The following CLCN5 variants were observed in gnomAD, a reference collection of about 807,000 sequenced individuals.
CLCN5 encodes Cl-/H+ antiporter 5.
CLCN5 carries 17 observed loss-of-function variants against 54.0 expected under a neutral mutation model. The ratio of observed to expected loss-of-function variants is 0.31; its 90% CI spans 0.22 to 0.47. The LOEUF (loss-of-function observed/expected upper bound fraction) is 0.47, where lower values mean the gene tolerates loss of function less well. Ranked by LOEUF, CLCN5 falls within the 20% of genes least tolerant of loss-of-function variation. CLCN5 has a pLI of 1.00. For synonymous variants in CLCN5, 222 were observed against 233.0 expected, an observed-to-expected ratio of 0.95 and a Z score of 0.43; for missense variants, 448 against 646.7, an observed-to-expected ratio of 0.69 and a Z score of 3.33.
intron 3 of CLCN5, among the ~76,000 whole-genome samples, chrX:49,963,587 A>G (rs1231100785): frequency 1.8e-5 from 2 of 112,090 alleles, no homozygotes; most frequent in East Asian, 5.6e-4. Context: ...ACATTTGGAA[A>G]AAGGGAATTT....
chrX:49,993,745 T>G (rs1305420202), intron 3 of CLCN5, among the ~76,000 whole-genome samples: 2 of 111,815 alleles, frequency 1.8e-5, no homozygotes, highest in Admixed American at 9.5e-5. Context: ...GAGCTAGCCT[T>G]TAAAGACAGT....
intron 3 of CLCN5, among the ~76,000 whole-genome samples, chrX:49,988,347 C>T (rs1328610877): frequency 2.7e-5 from 3 of 111,623 alleles, no homozygotes; most frequent in South Asian, 3.8e-4. Flanking sequence ...TCCAATCAAA[C>T]GCAAGAAACT....
intron 3 of CLCN5, among the ~76,000 whole-genome samples, chrX:50,019,468 C>CTTTTTTTTTTT (rs1175073117): frequency 9.6e-3 from 457 of 47,587 alleles, no homozygotes; most frequent in Middle Eastern, 0.018. Context: ...TTTTTTTTTT[C>CTTTTTTTTTTT]TTTTTTTTTT....
intron 3 of CLCN5, among the ~76,000 whole-genome samples, chrX:50,029,603 C>T (rs894465716): frequency 2.7e-5 from 3 of 111,492 alleles, no homozygotes; most frequent in East Asian, 2.8e-4. Context: ...CAAAAGAAGA[C>T]ATTTATATGC....
chrX:49,960,125 A>G (rs1230248107), intron 3 of CLCN5, among the ~76,000 whole-genome samples: 1 of 110,592 alleles, frequency 9.0e-6, no homozygotes. Flanking sequence ...TTTCCCACCC[A>G]GCAAGCATTT....
In CLCN5 at chrX:50,086,710, A is replaced by C. The variant is rs781865423; in HGVS notation, c.1397A>C (p.Asp466Ala). ...SELFNDCGLL[D>A]SSKLCDYENR... ...CTGTTTAATGACTGTGGCCTTCTGG[A>C]CTCCTCCAAGCTCTGTGATTATGAG... The change falls in exon 11 of 15, where the codon GAC becomes GCC. Residue 466 changes from aspartate (D) to alanine (A), a missense_variant. By Grantham distance (126) the Asp-to-Ala change is moderately radical. Coordinates refer to ENST00000376091, the MANE Select transcript of CLCN5 (RefSeq NM_001127898.4). The C allele has an allele frequency of 1.7e-6, 2 of 1,208,255 alleles. No individual in the cohort carries two copies. The highest frequency in any genetic ancestry group is 3.5e-5 in the African/African-American group (2 of 56,634).
chrX:50,039,464 T>A (rs781887696), intron 3 of CLCN5, among the ~76,000 whole-genome samples: 2 of 112,312 alleles, frequency 1.8e-5, no homozygotes, highest in East Asian at 5.6e-4. Flanking sequence ...TTGTTTAACC[T>A]TGCTTAGGAG....
At chrX:49,953,272 T>A (rs1370756240) in intron 3 of CLCN5, among the ~76,000 whole-genome samples, 1 of 112,230 alleles carries the variant, frequency 8.9e-6, no homozygotes, top group Non-Finnish European at 1.9e-5. Flanking sequence ...GTTTCTATAT[T>A]GACACCTCTT....
Position 50,092,532 on chromosome X carries a change from G to A in CLCN5, c.*313G>A, listed in dbSNP as rs1248158314. 4 of 256,331 alleles carry A rather than the reference G, an allele frequency of 1.6e-5. No individual in the cohort carries two copies. The highest frequency in any genetic ancestry group is 2.8e-5 in the Non-Finnish European group (4 of 142,183). The allele number at this position is 256,331 out of a possible 1,213,427, so 21.1% of individuals were successfully genotyped here. On this transcript the variant is annotated 3_prime_UTR_variant, in exon 15 of 15. Coordinates refer to ENST00000376091, the MANE Select transcript of CLCN5 (RefSeq NM_001127898.4). ...AACTTAAAAAGTAGTTAGCCAATAT[G>A]CAATCACTGAAAACTATGCAAGAGA... is the stretch of plus-strand genomic sequence containing the variant.
intron 4 of CLCN5, among the ~76,000 whole-genome samples, chrX:50,050,657 CTTTT>C (rs1161956431): frequency 3.3e-3 from 200 of 61,255 alleles, no homozygotes; most frequent in African/African-American, 0.014. Context: ...GTCTTCTTGG[CTTTT>C]TTTTTTTTTT....
intron 3 of CLCN5, among the ~76,000 whole-genome samples, chrX:49,994,483 A>G (rs1557179372): frequency 9.0e-6 from 1 of 111,357 alleles, no homozygotes; most frequent in African/African-American, 3.3e-5. Context: ...AGGGCATTTC[A>G]GGAATTAGGG....
intron 10 of CLCN5, 118 bp from the exon 11 acceptor site, chrX:50,086,210 A>G (rs1933880128): frequency 2.2e-6 from 2 of 917,088 alleles, no homozygotes; most frequent in East Asian, 6.5e-5. Flanking sequence ...CCATGTGACT[A>G]GAAATCCAGT....
chrX:49,929,329 T>C (rs781883205), intron 3 of CLCN5, among the ~76,000 whole-genome samples: 1 of 112,374 alleles, frequency 8.9e-6, no homozygotes, highest in East Asian at 2.8e-4. Flanking sequence ...TAATTTAATA[T>C]TTTTGATAAC....
intron 4 of CLCN5, among the ~76,000 whole-genome samples, chrX:50,053,587 C>G (rs782438666): frequency 1.8e-5 from 2 of 110,836 alleles, no homozygotes; most frequent in Non-Finnish European, 3.8e-5. Context: ...TCCTAGTTCC[C>G]TAAGATGGAA....
At chrX:50,043,823 TAGAA>T (rs1932305330) in intron 4 of CLCN5, among the ~76,000 whole-genome samples, 1 of 111,984 alleles carries the variant, frequency 8.9e-6, no homozygotes, top group Non-Finnish European at 1.9e-5. Context: ...TTATTGTACT[TAGAA>T]AGGACAGTAT....
In CLCN5 at chrX:50,097,218, G is replaced by A. The variant is rs782112689; in HGVS notation, c.*4999G>A. On this transcript the variant is annotated 3_prime_UTR_variant, in exon 15 of 15. Coordinates refer to ENST00000376091, the MANE Select transcript of CLCN5 (RefSeq NM_001127898.4). ...GAACAATGGGTGTTAGCAACTTTAA[G>A]TTACTCCCCAAACGTTTGCTGGCCA... 7.1e-5 allele frequency: 8 copies of A among 112,056 alleles called. No individual in the cohort carries two copies. Among genetic ancestry groups the A allele is most frequent in the Admixed American group, 9.4e-5 (1 of 10,586 alleles). 9.2% of individuals were successfully genotyped at this position (112,056 alleles called of 1,213,427 possible).
chrX:50,051,360 A>G (rs1047544538), intron 4 of CLCN5, among the ~76,000 whole-genome samples: 1 of 111,830 alleles, frequency 8.9e-6, no homozygotes, highest in Non-Finnish European at 1.9e-5. Flanking sequence ...GGGGCTCTCT[A>G]TTCTGTTCTC....
chrX:49,946,548 C>A (rs886648667), intron 3 of CLCN5, among the ~76,000 whole-genome samples: 1 of 111,618 alleles, frequency 9.0e-6, no homozygotes, highest in Non-Finnish European at 1.9e-5. Flanking sequence ...TCAAGGCCAG[C>A]GAGGGATAAA....
intron 3 of CLCN5, among the ~76,000 whole-genome samples, chrX:49,996,000 G>C (rs1929505940): frequency 8.9e-6 from 1 of 111,975 alleles, no homozygotes; most frequent in African/African-American, 3.2e-5. Flanking sequence ...TTTCAGTGAA[G>C]GGTGCTAAGA....
Sources: allele counts gnomAD v4.1 joint callset (sites outside exome capture counted in the v4.1 genomes callset), GRCh38; gene constraint gnomAD v4.1.1; transcripts MANE v1.5; gene names NCBI Gene and HGNC (gene_info 2026-07-23, HGNC 2026-07-21).